The following DIP2C variants were observed in gnomAD, a reference collection of about 807,000 sequenced individuals.
DIP2C encodes the protein disco-interacting protein 2 homolog C.
Under a neutral mutation model 192.4 loss-of-function variants are expected in DIP2C, and 33 were observed. That is an observed-to-expected ratio of 0.17 (90% CI 0.13 to 0.23). The LOEUF (loss-of-function observed/expected upper bound fraction) is 0.23. Among genes scored for constraint, DIP2C ranks in the 10% least tolerant of loss-of-function variants. The pLI, the probability that DIP2C is intolerant of heterozygous loss-of-function variation, is 1.00. For missense variants in DIP2C, 1,537 were observed against 2,110.1 expected, an observed-to-expected ratio of 0.73 and a Z score of 5.32; for synonymous variants, 979 against 864.1, an observed-to-expected ratio of 1.13 and a Z score of -2.33.
chr10:610,248 CAGG>C (rs1852990914), intron 1 of DIP2C, among the ~76,000 whole-genome samples: 1 of 152,150 alleles, frequency 6.6e-6, no homozygotes, highest in African/African-American at 2.4e-5. Flanking sequence ...CACTCATGAG[CAGG>C]AGCTGACAGC....
chr10:653,367 G>A (rs1856074553), intron 1 of DIP2C, among the ~76,000 whole-genome samples: 2 of 152,132 alleles, frequency 1.3e-5, no homozygotes, highest in South Asian at 4.1e-4. Context: ...AGAACTGCTT[G>A]AACCCTGGAA....
chr10:551,405 T>G (rs1848580181), intron 1 of DIP2C, among the ~76,000 whole-genome samples: 1 of 152,198 alleles, frequency 6.6e-6, no homozygotes, highest in Non-Finnish European at 1.5e-5. Context: ...ACGGAGGCTG[T>G]GGAAGGGGTC....
intron 1 of DIP2C, among the ~76,000 whole-genome samples, chr10:494,892 C>T (rs1278951979): frequency 1.3e-5 from 2 of 152,110 alleles, no homozygotes; most frequent in Non-Finnish European, 2.9e-5. Flanking sequence ...GGTAAATATC[C>T]AAAGGAATTT....
chr10:469,315 ATTT>A (rs11348709), intron 3 of DIP2C, among the ~76,000 whole-genome samples: 61 of 102,258 alleles, frequency 6.0e-4, no homozygotes, highest in African/African-American at 1.4e-3. Flanking sequence ...ACTGGTACTG[ATTT>A]TTTTTTTTTT....
intron 29 of DIP2C, among the ~76,000 whole-genome samples, chr10:339,924 T>C (rs988076299): frequency 6.6e-6 from 1 of 152,190 alleles, no homozygotes; most frequent in Non-Finnish European, 1.5e-5. Context: ...AAAATCTGAC[T>C]GGGTGCGGTG....
chr10:387,072 C>A (rs1190262554), intron 14 of DIP2C, among the ~76,000 whole-genome samples: 1 of 152,096 alleles, frequency 6.6e-6, no homozygotes, highest in African/African-American at 2.4e-5. Context: ...AATAGCAGGC[C>A]CCACCGACTC....
intron 36 of DIP2C, among the ~76,000 whole-genome samples, chr10:278,192 C>T (rs1954620682): frequency 6.6e-6 from 1 of 151,746 alleles, no homozygotes; most frequent in African/African-American, 2.4e-5. Flanking sequence ...ACGCCTAGGG[C>T]ATGGGTGCCT....
At chr10:317,606 T>C (rs900846332) in intron 31 of DIP2C, among the ~76,000 whole-genome samples, 2 of 152,196 alleles carry the variant, frequency 1.3e-5, no homozygotes, top group Non-Finnish European at 2.9e-5. Context: ...AAGCCAGGCA[T>C]GTTCTGTGAC....
chr10:437,252 G>A (rs77200770), intron 4 of DIP2C, among the ~76,000 whole-genome samples: 15 of 99,606 alleles, frequency 1.5e-4, no homozygotes, highest in African/African-American at 5.4e-4. Flanking sequence ...CACACCTGAG[G>A]TCTCTCTGAG....
intron 1 of DIP2C, among the ~76,000 whole-genome samples, chr10:569,745 A>T (rs1849668534): frequency 6.6e-6 from 1 of 152,226 alleles, no homozygotes; most frequent in Non-Finnish European, 1.5e-5. Context: ...ACGGCTGTGC[A>T]GGCTCAGGCC....
intron 1 of DIP2C, among the ~76,000 whole-genome samples, chr10:621,261 C>T (rs533943348): frequency 3.3e-4 from 50 of 152,188 alleles, no homozygotes; most frequent in South Asian, 1.2e-3. Flanking sequence ...AATATGAGCA[C>T]ACACCCCCAG....
At chr10:368,995 C>T (rs1414114819) in intron 18 of DIP2C, among the ~76,000 whole-genome samples, 2 of 152,244 alleles carry the variant, frequency 1.3e-5, no homozygotes, top group South Asian at 2.1e-4. Flanking sequence ...TGCAGCTGGG[C>T]GCTTCCTCAT....
intron 1 of DIP2C, among the ~76,000 whole-genome samples, chr10:509,436 C>T (rs140292876): frequency 4.4e-4 from 67 of 152,314 alleles, no homozygotes; most frequent in Non-Finnish European, 7.9e-4. Flanking sequence ...CCTCCCACCC[C>T]GAGGCAGCTC....
chr10:296,737 A>T (rs1955771008), intron 32 of DIP2C, among the ~76,000 whole-genome samples: 1 of 152,002 alleles, frequency 6.6e-6, no homozygotes, highest in African/African-American at 2.4e-5. Context: ...TGTTCTTTGT[A>T]GGAACATGGA....
At chr10:433,040 G>C (rs1966892120) in intron 4 of DIP2C, among the ~76,000 whole-genome samples, 1 of 152,082 alleles carries the variant, frequency 6.6e-6, no homozygotes, top group Non-Finnish European at 1.5e-5. Context: ...CCAAAACGTG[G>C]TATATCATGG....
chr10:533,136 G>A (rs1847512764), intron 1 of DIP2C, among the ~76,000 whole-genome samples: 1 of 152,086 alleles, frequency 6.6e-6, no homozygotes, highest in African/African-American at 2.4e-5. Context: ...GTCCATTCAA[G>A]GTCAGTATCT....
intron 1 of DIP2C, among the ~76,000 whole-genome samples, chr10:679,596 G>C: frequency 1.2e-5 from 1 of 84,450 alleles, no homozygotes; most frequent in African/African-American, 4.6e-5. Flanking sequence ...CCCCACACCT[G>C]TGCTCCCTGC....
In DIP2C at chr10:343,860, G is replaced by C. The variant is rs535938115; in HGVS notation, c.3453+949C>G. ...CTGTGTTAAGCGCTGGAGATGAACC[G>C]AAGAGTAAGACACAGCCCTGCCCTC... On this transcript the variant is annotated intron_variant, in intron 28 of 36. Coordinates refer to ENST00000280886, the MANE Select transcript of DIP2C (RefSeq NM_014974.3). Among the ~76,000 whole-genome samples, 3 of 152,300 alleles carry C rather than the reference G, an allele frequency of 2.0e-5. No individual in the cohort carries two copies. The South Asian group carries it at 6.2e-4, about 32-fold the overall frequency.
chr10:297,338 A>T (rs1955810101), intron 32 of DIP2C, among the ~76,000 whole-genome samples: 1 of 151,380 alleles, frequency 6.6e-6, no homozygotes, highest in African/African-American at 2.4e-5. Flanking sequence ...TATCCAAAGG[A>T]AATGAAATCA....
Sources: gnomAD v4.1 joint callset for allele counts (sites outside exome capture counted in the v4.1 genomes callset) on GRCh38, gnomAD v4.1.1 for gene constraint, MANE v1.5 for transcripts, NCBI Gene and HGNC (gene_info 2026-07-23, HGNC 2026-07-21) for gene names.